Variants in PCDHA4 observed in about 807,000 individuals in gnomAD.
PCDHA4 encodes protocadherin alpha 4.
In PCDHA4, 49 loss-of-function variants were observed where a neutral mutation model predicts 61.4. The observed-to-expected ratio is 0.80, with a 90% CI of 0.63 to 1.01. The LOEUF (loss-of-function observed/expected upper bound fraction) is 1.01, where lower values mean the gene tolerates loss of function less well. Among genes scored for constraint, PCDHA4 ranks in the 50% least tolerant of loss-of-function variants. The pLI, the probability that PCDHA4 is intolerant of heterozygous loss-of-function variation, is 0.00. For missense variants in PCDHA4, 1,254 were observed against 1,235.8 expected, an observed-to-expected ratio of 1.01 and a Z score of -0.22; for synonymous variants, 590 against 550.3, an observed-to-expected ratio of 1.07 and a Z score of -1.01.
At chr5:140,877,041 A>G (rs782570873) in intron 1 of PCDHA4, 15 of 1,612,586 alleles carry the variant, frequency 9.3e-6, no homozygotes, top group African/African-American at 4.0e-5. Context: ...TGCAGCCGCT[A>G]GACCACGAGG....
intron 1 of PCDHA4, chr5:140,870,343 C>T (rs375366430): frequency 1.9e-6 from 3 of 1,614,160 alleles, no homozygotes; most frequent in African/African-American, 2.7e-5. Flanking sequence ...CGCCCTGGAC[C>T]GCGAGAACGT....
chr5:140,823,676 G>T, intron 1 of PCDHA4: 19 of 1,614,042 alleles, frequency 1.2e-5, no homozygotes, highest in Admixed American at 1.7e-5. Flanking sequence ...AGCACAACAC[G>T]CTCTCTGGAT....
In PCDHA4 at chr5:140,848,080, C is replaced by T. The variant is rs114595741; in HGVS notation, c.2385+38508C>T. 638 of 165,510 alleles carry T rather than the reference C, an allele frequency of 3.9e-3. 35 individuals carry two copies. Among genetic ancestry groups the T allele is most frequent in the African/African-American group, 0.014 (569 of 41,328 alleles). 10.3% of individuals were successfully genotyped at this position (165,510 alleles called of 1,614,324 possible). A position where few individuals can be genotyped will look rare whatever the true frequency, so the allele number is the denominator to read the frequency against. ...ACTTCATTTCTGTCGTTATTTAAAA[C>T]TTAAGTGGAGAGTTTTCTCAGGGAT... On this transcript the variant is annotated intron_variant, in intron 1 of 3. Transcript: ENST00000530339.
intron 3 of PCDHA4, among the ~76,000 whole-genome samples, chr5:140,996,269 T>C (rs1183604392): frequency 6.6e-6 from 1 of 152,194 alleles, no homozygotes; most frequent in East Asian, 1.9e-4. Context: ...GAGCCTGGGA[T>C]TGCTGCCAAA....
chr5:140,953,476 G>A (rs1554220931), intron 1 of PCDHA4, among the ~76,000 whole-genome samples: 2 of 152,088 alleles, frequency 1.3e-5, no homozygotes. Flanking sequence ...ACTTCCTCAT[G>A]CTGTGTCACA....
chr5:140,857,442 A>G (rs1554150038), intron 1 of PCDHA4: 1 of 1,598,266 alleles, frequency 6.3e-7, no homozygotes, highest in African/African-American at 1.3e-5. Flanking sequence ...TTCGTGAAGG[A>G]GAACAACCCG....
chr5:140,958,724 A>G (rs1563299236), intron 1 of PCDHA4, among the ~76,000 whole-genome samples: 1 of 152,188 alleles, frequency 6.6e-6, no homozygotes, highest in Admixed American at 6.5e-5. Context: ...TAAATGTAAC[A>G]CTGAATGGGA....
At chr5:140,871,279 C>G in intron 1 of PCDHA4, 2 of 1,613,946 alleles carry the variant, frequency 1.2e-6, no homozygotes, top group Non-Finnish European at 1.7e-6. Flanking sequence ...GTCGGCAACG[C>G]CCACTGAGGG....
chr5:140,896,735 T>C (rs930657295), intron 1 of PCDHA4, among the ~76,000 whole-genome samples: 8 of 152,166 alleles, frequency 5.3e-5, no homozygotes, highest in Non-Finnish European at 4.4e-5. Context: ...TTTAAGTTCC[T>C]TATAGATTCT....
chr5:140,835,753 A>G, intron 1 of PCDHA4: 1 of 1,613,416 alleles, frequency 6.2e-7, no homozygotes, highest in Non-Finnish European at 8.5e-7. Context: ...GCGTTCGCGC[A>G]GCCCGAGTAT....
In PCDHA4 at chr5:140,937,039, C is replaced by CTT. The variant is rs34994034; in HGVS notation, c.2386-41895_2386-41894dup. On this transcript the variant is annotated intron_variant, in intron 1 of 3. Coordinates refer to ENST00000530339, the MANE Select transcript of PCDHA4 (RefSeq NM_018907.4). ...TAACAAGGTATATTCTTCCATTTATCTTTTTTTTTTTTTTTTGAGACGGAG... is the reference window on the plus strand; with the variant it reads ...TAACAAGGTATATTCTTCCATTTATCTTTTTTTTTTTTTTTTTTGAGACGGAG... 3.4e-3 allele frequency among the ~76,000 whole-genome samples: 476 copies of CTT among 140,122 alleles called. 6 individuals carry two copies. The highest frequency in any genetic ancestry group is 0.011 in the South Asian group (47 of 4,432). 91.9% of individuals were successfully genotyped at this position (140,122 alleles called of 152,430 possible).
chr5:140,944,346 C>A (rs2093644964), intron 1 of PCDHA4, among the ~76,000 whole-genome samples: 2 of 152,130 alleles, frequency 1.3e-5, no homozygotes, highest in African/African-American at 4.8e-5. Flanking sequence ...TGCCACCACA[C>A]CTGGCTAATT....
intron 1 of PCDHA4, chr5:140,835,028 C>A (rs2150229925): frequency 7.5e-7 from 1 of 1,326,582 alleles, no homozygotes; most frequent in Non-Finnish European, 1.0e-6. Flanking sequence ...TCACGGCCAC[C>A]GATGGAGGCA....
chr5:140,946,457 C>T (rs1480427132), intron 1 of PCDHA4, among the ~76,000 whole-genome samples: 2 of 151,612 alleles, frequency 1.3e-5, no homozygotes, highest in Non-Finnish European at 3.0e-5. Flanking sequence ...AACTATCCAG[C>T]AATCCCACTA....
chr5:140,863,464 C>A, intron 1 of PCDHA4: 1 of 512,348 alleles, frequency 2.0e-6, no homozygotes, highest in South Asian at 1.5e-5. Context: ...AGATTTTACT[C>A]TGGAGAGTCG....
At chr5:140,926,788 G>A in intron 1 of PCDHA4, 26 of 1,427,398 alleles carry the variant, frequency 1.8e-5, no homozygotes, top group Non-Finnish European at 2.4e-5. Flanking sequence ...ACGGCCGGCA[G>A]GAGCGTGCTC....
intron 1 of PCDHA4, chr5:140,852,618 T>A (rs1455728241): frequency 1.1e-6 from 1 of 941,332 alleles, no homozygotes; most frequent in Admixed American, 6.4e-5. Context: ...AAAACTTGAG[T>A]GGTCTCTGAG....
chr5:140,848,904 CAA>C, intron 1 of PCDHA4: 1 of 1,608,060 alleles, frequency 6.2e-7, no homozygotes. Flanking sequence ...CCCAGCGACA[CAA>C]AAGAATCTGT....
At chr5:140,964,378 T>A (rs182628269) in intron 1 of PCDHA4, among the ~76,000 whole-genome samples, 1 of 151,270 alleles carries the variant, frequency 6.6e-6, no homozygotes, top group Non-Finnish European at 1.5e-5. Context: ...GAAAGGAGAG[T>A]CCTGGTTTTT....
Sources: gnomAD v4.1 joint callset for allele counts (sites outside exome capture counted in the v4.1 genomes callset) on GRCh38, gnomAD v4.1.1 for gene constraint, MANE v1.5 for transcripts, NCBI Gene and HGNC (gene_info 2026-07-23, HGNC 2026-07-21) for gene names.